The following PLEKHM3 variants were observed in gnomAD, a reference collection of about 807,000 sequenced individuals.
PLEKHM3 encodes pleckstrin homology domain containing M3.
In PLEKHM3, 45 loss-of-function variants were observed where a neutral mutation model predicts 81.8. The observed-to-expected ratio is 0.55, with a 90% CI of 0.43 to 0.71. The LOEUF (loss-of-function observed/expected upper bound fraction) is 0.71, where lower values mean the gene tolerates loss of function less well. PLEKHM3 is among the 30% of genes least tolerant of loss of function. The pLI, the probability that PLEKHM3 is intolerant of heterozygous loss-of-function variation, is 0.00. For missense variants in PLEKHM3, 788 were observed against 924.3 expected (o/e 0.85, Z 1.91); for synonymous variants, 352 against 356.4 (o/e 0.99, Z 0.14).
chr2:207,937,611 CT>C (rs1242683488), intron 4 of PLEKHM3, among the ~76,000 whole-genome samples: 2 of 150,590 alleles, frequency 1.3e-5, no homozygotes, highest in Non-Finnish European at 3.0e-5. Context: ...AAAAAGTTAA[CT>C]TTTAATATAC....
chr2:207,983,696 C>T (rs1025529514), intron 2 of PLEKHM3, among the ~76,000 whole-genome samples: 1 of 152,140 alleles, frequency 6.6e-6, no homozygotes, highest in Non-Finnish European at 1.5e-5. Flanking sequence ...TTCTCCTCCT[C>T]GTCTTTACAG....
At chr2:208,017,094 G>T (rs10200892) in intron 1 of PLEKHM3, among the ~76,000 whole-genome samples, 8,147 of 152,216 alleles carry the variant, frequency 0.054, 692 homozygotes, top group African/African-American at 0.18. Context: ...CTCAAGTTTT[G>T]CCTTTTGGAA....
At chr2:207,865,799 A>T (rs1295372985) in intron 6 of PLEKHM3, among the ~76,000 whole-genome samples, 387 of 35,008 alleles carry the variant, frequency 0.011, 40 homozygotes, top group African/African-American at 0.066. Context: ...AAAAAAAAAA[A>T]AAAGATATAT....
intron 2 of PLEKHM3, among the ~76,000 whole-genome samples, chr2:207,992,422 T>C (rs1440879546): frequency 6.6e-6 from 1 of 152,222 alleles, no homozygotes; most frequent in Non-Finnish European, 1.5e-5. Context: ...GTGATAGCTC[T>C]TACTGACAGT....
At position 207,828,071 on chromosome 2, in the gene PLEKHM3, T is replaced by C. The variant is rs2092262066; in HGVS notation, c.*248A>G. On this transcript the variant is annotated 3_prime_UTR_variant, in exon 8 of 8. Transcript: ENST00000427836. ...CAAGCAGCTGAAATTCTTGGCTAAGTGTAATCCAGCTATTGGTAGTTTCTC... is the reference window on the plus strand; with the variant it reads ...CAAGCAGCTGAAATTCTTGGCTAAGCGTAATCCAGCTATTGGTAGTTTCTC... 3.8e-6 allele frequency: 1 copy of C among 264,722 alleles called. No homozygotes were observed. Among genetic ancestry groups the C allele is most frequent in the Admixed American group, 5.2e-5 (1 of 19,246 alleles). The allele number at this position is 264,722 out of a possible 1,614,324, so 16.4% of individuals were successfully genotyped here.
At chr2:207,863,315 C>T (rs933075201) in intron 6 of PLEKHM3, among the ~76,000 whole-genome samples, 1 of 152,228 alleles carries the variant, frequency 6.6e-6, no homozygotes. Flanking sequence ...CCATGAAAAC[C>T]CCTCTGATGG....
At position 207,975,147 on chromosome 2, in the gene PLEKHM3, G is replaced by A. The variant is rs555892690; in HGVS notation, c.1546+1504C>T. Among the ~76,000 whole-genome samples the A allele has an allele frequency of 5.3e-5, 8 of 149,896 alleles. No individual in the cohort carries two copies. In the South Asian group the frequency reaches 1.7e-3, roughly 32 times the overall value. ...CCAGTCTAGTAGAGCTTCTTAACTGGCTCAGTGTTTCTGGTCTCTCTGATC... is the reference window on the plus strand; with the variant it reads ...CCAGTCTAGTAGAGCTTCTTAACTGACTCAGTGTTTCTGGTCTCTCTGATC... On this transcript the variant is annotated intron_variant, in intron 3 of 7. Coordinates refer to ENST00000427836, the MANE Select transcript of PLEKHM3 (RefSeq NM_001080475.3).
rs80026523 is a variant in PLEKHM3 at position 208,020,683 on chromosome 2, T to A, written c.-319+4706A>T. Among the ~76,000 whole-genome samples the A allele has an allele frequency of 3.3e-5, 5 of 152,258 alleles. No individual in the cohort carries two copies. The East Asian group carries it at 9.7e-4, about 29-fold the overall frequency. ...AGTTCCTTATGAACCAAATGCCAAA[T>A]GTACTCTGAAAGGAGAACGCAAGAA... On this transcript the variant is annotated intron_variant, in intron 1 of 7. Transcript: ENST00000427836.
At chr2:207,939,624 G>A (rs1689869420) in intron 4 of PLEKHM3, among the ~76,000 whole-genome samples, 1 of 152,170 alleles carries the variant, frequency 6.6e-6, no homozygotes, top group Non-Finnish European at 1.5e-5. Context: ...AATCATTTAA[G>A]CAAACAGCAA....
intron 6 of PLEKHM3, among the ~76,000 whole-genome samples, chr2:207,903,825 A>G (rs570822638): frequency 6.6e-6 from 1 of 152,382 alleles, no homozygotes; most frequent in South Asian, 2.1e-4. Context: ...GGGAAAGCAG[A>G]TAGCTGACGC....
intron 1 of PLEKHM3, among the ~76,000 whole-genome samples, chr2:208,007,406 G>C (rs1215267729): frequency 6.6e-6 from 1 of 152,162 alleles, no homozygotes. Flanking sequence ...TAAGGATGTG[G>C]ATGGAGCACA....
At chr2:207,908,460 A>C (rs1688695219) in intron 6 of PLEKHM3, 54 bp downstream of exon 6, 2 of 1,525,520 alleles carry the variant, frequency 1.3e-6, no homozygotes, top group African/African-American at 1.4e-5. Flanking sequence ...AAAGTCAACA[A>C]AGAGACTTCT....
At chr2:207,987,958 T>C (rs1691781411) in intron 2 of PLEKHM3, among the ~76,000 whole-genome samples, 1 of 152,234 alleles carries the variant, frequency 6.6e-6, no homozygotes, top group African/African-American at 2.4e-5. Context: ...CACACCATCA[T>C]CTATATTCTC....
At chr2:207,900,482 G>A (rs1232708921) in intron 6 of PLEKHM3, 2 of 152,232 alleles carry the variant, frequency 1.3e-5, no homozygotes, top group Non-Finnish European at 2.9e-5. Context: ...CTGAATAGGA[G>A]GAGCATCAAA....
chr2:207,836,082 T>C (rs1297906325), intron 7 of PLEKHM3, among the ~76,000 whole-genome samples: 1 of 152,218 alleles, frequency 6.6e-6, no homozygotes, highest in Non-Finnish European at 1.5e-5. Flanking sequence ...CCTAATTATC[T>C]GTGTGTGCCC....
At chr2:207,851,345 G>C (rs2092411440) in intron 7 of PLEKHM3, 1 of 152,124 alleles carries the variant, frequency 6.6e-6, no homozygotes, top group Non-Finnish European at 1.5e-5. Context: ...CTTTAGCAAA[G>C]CAGTTTTATA....
chr2:207,826,214 A>G lies in PLEKHM3; in HGVS notation c.*2105T>C, dbSNP rs774945189. On this transcript the variant is annotated 3_prime_UTR_variant, in exon 8 of 8. Coordinates refer to ENST00000427836, the MANE Select transcript of PLEKHM3 (RefSeq NM_001080475.3). ...TTTGCCATGGGAGCACATCTGTTTTATAATAAGCAGGTCTATAATTCTCTT... is the reference window on the plus strand; with the variant it reads ...TTTGCCATGGGAGCACATCTGTTTTGTAATAAGCAGGTCTATAATTCTCTT... The G allele has an allele frequency of 6.6e-6, 1 of 152,358 alleles. No individual in the cohort carries two copies. The highest frequency in any genetic ancestry group is 3.4e-3 in the Middle Eastern group (1 of 294). The allele number at this position is 152,358 out of a possible 1,614,324, so 9.4% of individuals were successfully genotyped here.
rs560315951 is a variant in PLEKHM3 at position 207,902,032 on chromosome 2, C to T, written c.1950+6482G>A. Among the ~76,000 whole-genome samples, 180 of 152,254 alleles carry T rather than the reference C, an allele frequency of 1.2e-3. 1 individual carries two copies. The highest frequency in any genetic ancestry group is 2.1e-3 in the Non-Finnish European group (140 of 68,024). ...TCCTCACCACTAATGCCTGGGTGGA[C>T]AATGGTGTAGGGATCAGGGCTGCTG... On this transcript the variant is annotated intron_variant, in intron 6 of 7. Transcript: ENST00000427836.
chr2:207,880,885 A>C (rs1183201724), intron 6 of PLEKHM3, among the ~76,000 whole-genome samples: 1 of 150,984 alleles, frequency 6.6e-6, no homozygotes, highest in Non-Finnish European at 1.5e-5. Context: ...TTACCTCTAA[A>C]ATGACCAAAG....
Sources: allele counts gnomAD v4.1 joint callset (sites outside exome capture counted in the v4.1 genomes callset), GRCh38; gene constraint gnomAD v4.1.1; transcripts MANE v1.5; gene names NCBI Gene and HGNC (gene_info 2026-07-23, HGNC 2026-07-21).